The following LRRK1 variants were observed in gnomAD, a reference collection of about 807,000 sequenced individuals.
The protein encoded by LRRK1 is leucine-rich repeat serine/threonine-protein kinase 1.
In LRRK1, 113 loss-of-function variants were observed where a neutral mutation model predicts 209.1. The ratio of observed to expected loss-of-function variants is 0.54; its 90% CI spans 0.46 to 0.63. The LOEUF (loss-of-function observed/expected upper bound fraction) is 0.63, where lower values mean the gene tolerates loss of function less well. Ranked by LOEUF, LRRK1 falls within the 30% of genes least tolerant of loss-of-function variation. The pLI, the probability that LRRK1 is intolerant of heterozygous loss-of-function variation, is 0.00. For synonymous variants in LRRK1, 1,144 were observed against 1,099.7 expected (o/e 1.04, Z -0.80); for missense variants, 2,284 against 2,632.2 (o/e 0.87, Z 2.89).
At chr15:100,956,456 T>TTTTTCTTTTCTTTTCTTTC (rs1491498027) in intron 2 of LRRK1, among the ~76,000 whole-genome samples, 21 of 58,802 alleles carry the variant, frequency 3.6e-4, no homozygotes, top group African/African-American at 1.7e-3. Context: ...TTTTTTTTTC[T>TTTTTCTTTTCTTTTCTTTC]TTTTTTTTTT....
chr15:101,012,997 C>A (rs111442401), intron 10 of LRRK1, among the ~76,000 whole-genome samples: 377 of 152,286 alleles, frequency 2.5e-3, no homozygotes, highest in African/African-American at 8.7e-3. Flanking sequence ...TCTGTCTTCT[C>A]GTATTTCACA....
At chr15:101,014,481 G>T in intron 11 of LRRK1, 53 bp downstream of exon 11, 1 of 1,177,894 alleles carries the variant, frequency 8.5e-7, no homozygotes, top group Non-Finnish European at 1.3e-6. Context: ...GTGGGGCCAC[G>T]GTCGAGCAGG....
chr15:101,052,639 G>A (rs773328844), intron 24 of LRRK1, among the ~76,000 whole-genome samples: 3 of 152,154 alleles, frequency 2.0e-5, no homozygotes, highest in Non-Finnish European at 4.4e-5. Flanking sequence ...CTTTCTCTAC[G>A]GCCACCACTT....
intron 1 of LRRK1, among the ~76,000 whole-genome samples, chr15:100,922,053 T>G (rs954058231): frequency 6.6e-6 from 1 of 152,250 alleles, no homozygotes; most frequent in African/African-American, 2.4e-5. Flanking sequence ...GTTTATTCAT[T>G]AATGCAGGTA....
chr15:100,976,432 T>G (rs531559914), intron 3 of LRRK1, among the ~76,000 whole-genome samples: 1 of 152,354 alleles, frequency 6.6e-6, no homozygotes, highest in South Asian at 2.1e-4. Context: ...GTAAAGTTAT[T>G]CAACTTCGTT....
Position 101,061,171 on chromosome 15 carries a change from G to A in LRRK1, c.4680G>A (p.Arg1560=). Residue 1560 remains arginine, a splice_region_variant and synonymous_variant, in exon 30 of 34, where the codon AGG becomes AGA. Transcript: ENST00000388948. ...VVFWDGKEES[R]NYTVVNTEKG... is the part of the protein sequence containing the mutation. Reference sequence around the variant, plus strand: ...ACAGCACAGTTTCTGCCACTTACAGGAACTACACGGTGGTGAACACAGAGA... The same window carrying A: ...ACAGCACAGTTTCTGCCACTTACAGAAACTACACGGTGGTGAACACAGAGA... The A allele has an allele frequency of 6.7e-7, 1 of 1,485,140 alleles. No homozygotes were observed. Among genetic ancestry groups the A allele is most frequent in the Non-Finnish European group, 9.3e-7 (1 of 1,073,912 alleles). 92.0% of individuals were successfully genotyped at this position (1,485,140 alleles called of 1,614,324 possible).
chr15:100,937,445 A>G lies in LRRK1; in HGVS notation c.97+12716A>G, dbSNP rs372204787. On this transcript the variant is annotated intron_variant, in intron 2 of 33. Coordinates refer to ENST00000388948, the MANE Select transcript of LRRK1 (RefSeq NM_024652.6). Reference sequence around the variant, plus strand: ...CAAAATGGCACATTTTTCTCTTTTCATAAGTCTTTAGCTACGTGGAACTTT... The same window carrying G: ...CAAAATGGCACATTTTTCTCTTTTCGTAAGTCTTTAGCTACGTGGAACTTT... 1.8e-4 allele frequency among the ~76,000 whole-genome samples: 28 copies of G among 152,168 alleles called. 2 individuals carry two copies. The highest frequency in any genetic ancestry group is 8.5e-4 in the Admixed American group (13 of 15,300).
rs762998404 is a variant in LRRK1 at position 101,066,198 on chromosome 15, G to A, written c.5761G>A (p.Val1921Ile). 1 of 1,606,324 alleles carries A rather than the reference G, an allele frequency of 6.2e-7. No individual in the cohort carries two copies. Among genetic ancestry groups the A allele is most frequent in the Admixed American group, 1.7e-5 (1 of 59,762 alleles). Reference protein sequence around the residue: ...KILAVRDLIWVPRRGGDVIVI... With the variant: ...KILAVRDLIWIPRRGGDVIVI... Reference sequence around the variant, plus strand: ...CCTCGCCGTCAGAGACCTCATTTGGGTCCCCAGGTACGTTTCCCGAGGTGA... The same window carrying A: ...CCTCGCCGTCAGAGACCTCATTTGGATCCCCAGGTACGTTTCCCGAGGTGA... Residue 1921 changes from valine to isoleucine, a missense_variant, in exon 32 of 34, where the codon GTC becomes ATC. By Grantham distance (29) the Val-to-Ile change is conservative. Transcript: ENST00000388948.
At position 101,046,189 on chromosome 15, in the gene LRRK1, G is replaced by A. The variant is rs377030851; in HGVS notation, c.3135+37G>A. ...GCGGTTTCTGCATAGACAGATGCCC[G>A]AGAGCCACCTACAGTTGTACCACTG... On this transcript the variant is annotated intron_variant, in intron 21 of 33. Coordinates refer to ENST00000388948, the MANE Select transcript of LRRK1 (RefSeq NM_024652.6). 145 of 1,599,446 alleles carry A rather than the reference G, an allele frequency of 9.1e-5. 3 individuals carry two copies. Among genetic ancestry groups the A allele is most frequent in the South Asian group, 8.8e-4 (79 of 89,874 alleles).
At position 101,068,786 on chromosome 15, in the gene LRRK1, A is replaced by G. The variant is rs200799960; in HGVS notation, c.5986A>G (p.Ile1996Val). 1.9e-6 allele frequency: 3 copies of G among 1,613,346 alleles called. 1 individual carries two copies. The Admixed American group carries it at 5.0e-5, about 27-fold the overall frequency. The stretch of plus-strand genomic sequence containing the variant: ...GGGCTGGGGCGCCAGGGAGTTCGAC[A>G]TTTTCTACCAGTCCTACGAGGAGCT... ...WRGWGAREFDIFYQSYEELGR... is the reference protein window; with the variant it reads ...WRGWGAREFDVFYQSYEELGR... The change falls in exon 34 of 34, where the codon ATT becomes GTT. Residue 1996 changes from isoleucine to valine, a missense_variant. Coordinates refer to ENST00000388948, the MANE Select transcript of LRRK1 (RefSeq NM_024652.6).
chr15:100,999,604 G>T (rs1596254836), intron 6 of LRRK1, among the ~76,000 whole-genome samples: 1 of 152,208 alleles, frequency 6.6e-6, no homozygotes, highest in East Asian at 1.9e-4. Flanking sequence ...AAAATGAAAT[G>T]AGTCCTGTAT....
intron 6 of LRRK1, among the ~76,000 whole-genome samples, chr15:100,998,890 G>A (rs1264388652): frequency 1.3e-5 from 2 of 152,166 alleles, no homozygotes; most frequent in Non-Finnish European, 2.9e-5. Context: ...ATGAACAGGT[G>A]GGTGGGTGGA....
intron 6 of LRRK1, among the ~76,000 whole-genome samples, chr15:100,992,014 A>G (rs2032173224): frequency 6.6e-6 from 1 of 152,126 alleles, no homozygotes; most frequent in Admixed American, 6.5e-5. Flanking sequence ...TGTTGACTCA[A>G]CCTTGAACTC....
At chr15:101,043,271 C>T (rs1380237703) in intron 20 of LRRK1, among the ~76,000 whole-genome samples, 1 of 152,220 alleles carries the variant, frequency 6.6e-6, no homozygotes, top group Non-Finnish European at 1.5e-5. Context: ...CTGGCCCCAC[C>T]TTTGCCTGAG....
In LRRK1 at chr15:101,002,939, C is replaced by G. The variant is rs570024212; in HGVS notation, c.763-5898C>G. Among the ~76,000 whole-genome samples, 6 of 152,252 alleles carry G rather than the reference C, an allele frequency of 3.9e-5. No homozygotes were observed. In the South Asian group the frequency reaches 1.2e-3, roughly 32 times the overall value. ...TAGAGACAGGGTTTCACCATGTTGT[C>G]CAGGCTGATCGTGAGCTCCTGGCTT... On this transcript the variant is annotated intron_variant, in intron 6 of 33. Transcript: ENST00000388948.
At chr15:101,032,921 C>T (rs377150458) in intron 20 of LRRK1, among the ~76,000 whole-genome samples, 2 of 152,130 alleles carry the variant, frequency 1.3e-5, no homozygotes, top group African/African-American at 2.4e-5. Context: ...AATCAGGTTG[C>T]GTGAGCGTTT....
intron 2 of LRRK1, 108 bp from the exon 3 acceptor site, chr15:100,973,696 G>C: frequency 9.0e-7 from 1 of 1,112,380 alleles, no homozygotes; most frequent in Non-Finnish European, 1.1e-6. Flanking sequence ...TGAAGCCCCC[G>C]CGATCGTGCA....
chr15:100,946,140 A>G (rs2042535833), intron 2 of LRRK1, among the ~76,000 whole-genome samples: 1 of 152,216 alleles, frequency 6.6e-6, no homozygotes, highest in Admixed American at 6.5e-5. Context: ...GTGTAGGAGG[A>G]CTTAATATTG....
intron 2 of LRRK1, among the ~76,000 whole-genome samples, chr15:100,941,587 G>A (rs527682383): frequency 6.1e-4 from 93 of 151,872 alleles, no homozygotes; most frequent in Admixed American, 3.0e-3. Context: ...TCTTTATGGC[G>A]CTGCTCTTCC....
Sources: allele counts gnomAD v4.1 joint callset (sites outside exome capture counted in the v4.1 genomes callset), GRCh38; gene constraint gnomAD v4.1.1; transcripts MANE v1.5; gene names NCBI Gene and HGNC (gene_info 2026-07-23, HGNC 2026-07-21).